ADGRL2: variants seen among roughly 807,000 people sequenced by gnomAD.
ADGRL2 encodes adhesion G protein-coupled receptor L2.
Under a neutral mutation model 157.4 loss-of-function variants are expected in ADGRL2, and 44 were observed. The observed-to-expected ratio is 0.28, with a 90% confidence interval of 0.22 to 0.36. ADGRL2 has a LOEUF of 0.36. Among genes scored for constraint, ADGRL2 ranks in the 10% least tolerant of loss-of-function variants. The pLI, the probability that ADGRL2 is intolerant of heterozygous loss-of-function variation, is 1.00. For missense variants in ADGRL2, 1,510 were observed against 1,768.9 expected (o/e 0.85, Z 2.63); for synonymous variants, 585 against 624.7 (o/e 0.94, Z 0.95).
intron 1 of ADGRL2, among the ~76,000 whole-genome samples, chr1:81,316,733 T>G (rs1219245493): frequency 1.3e-5 from 2 of 152,198 alleles, no homozygotes; most frequent in Non-Finnish European, 2.9e-5. Flanking sequence ...CATTAAATAT[T>G]ATAGCCAAAT....
intron 2 of ADGRL2, among the ~76,000 whole-genome samples, chr1:81,473,545 T>C (rs1337170654): frequency 6.6e-6 from 1 of 152,242 alleles, no homozygotes; most frequent in Non-Finnish European, 1.5e-5. Context: ...TTAATGTGGC[T>C]ACCAGAAAAT....
chr1:81,774,353 T>G (rs2086492818), intron 2 of ADGRL2, among the ~76,000 whole-genome samples: 2 of 152,218 alleles, frequency 1.3e-5, no homozygotes, highest in South Asian at 4.1e-4. Context: ...CCATTCATAC[T>G]CATGATGGCA....
Position 81,615,414 on chromosome 1 carries a change from C to G in ADGRL2, c.-143+34434C>G, listed in dbSNP as rs368951827. Among the ~76,000 whole-genome samples, 35 of 152,338 alleles carry G rather than the reference C, an allele frequency of 2.3e-4. 2 individuals are homozygous for G. In the East Asian group the frequency reaches 3.7e-3, roughly 16 times the overall value. On this transcript the variant is annotated intron_variant, in intron 3 of 24. Transcript: ENST00000370721. ...TCGCAATAAATCTTGCTGCTGCTCA[C>G]TCTTTGGGTCTATGCGCCACCTTTA...
At chr1:81,387,379 TAA>T (rs1437578665) in intron 1 of ADGRL2, among the ~76,000 whole-genome samples, 3 of 152,306 alleles carry the variant, frequency 2.0e-5, no homozygotes, top group Admixed American at 6.5e-5. Flanking sequence ...AAAGTTTTTT[TAA>T]GTTTCATATA....
rs2076390525 is a variant in ADGRL2, at chr1:81,383,959, A to C, written c.-301-61077A>C. ...ACAGAGCAAGACTCTGTCTCAAAAA[A>C]AAAAAAAAGAAAAGAAAAGAAAAAA... On this transcript the variant is annotated intron_variant, in intron 1 of 24. Coordinates refer to the ADGRL2 transcript ENST00000370721. Among the ~76,000 whole-genome samples the C allele has an allele frequency of 2.0e-5, 3 of 151,268 alleles. No homozygotes were observed. In the South Asian group the frequency reaches 6.2e-4, roughly 31 times the overall value.
chr1:81,805,381 G>T (rs773003562), intron 1 of ADGRL2, among the ~76,000 whole-genome samples: 12 of 151,954 alleles, frequency 7.9e-5, no homozygotes, highest in Non-Finnish European at 1.6e-4. Context: ...TTTCAGGGGA[G>T]ACTTTTTTGG....
At chr1:81,632,332 T>C (rs538701754) in intron 3 of ADGRL2, among the ~76,000 whole-genome samples, 1 of 152,124 alleles carries the variant, frequency 6.6e-6, no homozygotes, top group Non-Finnish European at 1.5e-5. Context: ...GGACCTCCTG[T>C]GCAGGAACTA....
intron 3 of ADGRL2, among the ~76,000 whole-genome samples, chr1:81,663,928 T>A (rs537092588): frequency 7.2e-5 from 11 of 152,274 alleles, no homozygotes; most frequent in African/African-American, 2.6e-4. Context: ...ATGGTTTATA[T>A]TTTTGAGGGG....
chr1:81,499,234 T>C (rs370844912), intron 2 of ADGRL2, among the ~76,000 whole-genome samples: 3 of 152,250 alleles, frequency 2.0e-5, no homozygotes, highest in African/African-American at 4.8e-5. Flanking sequence ...CAATAAACCA[T>C]TGTGGGCTGT....
chr1:81,449,027 T>C (rs374887065), intron 2 of ADGRL2, among the ~76,000 whole-genome samples: 1 of 152,356 alleles, frequency 6.6e-6, no homozygotes, highest in East Asian at 1.9e-4. Flanking sequence ...TTCATTTCAG[T>C]ATAATAAATT....
intron 1 of ADGRL2, among the ~76,000 whole-genome samples, chr1:81,360,304 C>T (rs1259224570): frequency 6.6e-6 from 1 of 151,846 alleles, no homozygotes; most frequent in African/African-American, 2.4e-5. Flanking sequence ...TCATCCAGTT[C>T]TCAATTCTAA....
chr1:81,391,779 C>T (rs1050275831), intron 1 of ADGRL2, among the ~76,000 whole-genome samples: 9 of 152,030 alleles, frequency 5.9e-5, no homozygotes, highest in African/African-American at 2.2e-4. Context: ...ACCATTCTGG[C>T]TTTTTTTTCT....
chr1:81,516,808 C>T (rs1047564406), intron 2 of ADGRL2, among the ~76,000 whole-genome samples: 12 of 152,096 alleles, frequency 7.9e-5, no homozygotes, highest in Non-Finnish European at 1.6e-4. Context: ...TTACACCCAA[C>T]CCCTCCATTC....
chr1:81,557,875 C>A (rs1367215321), intron 2 of ADGRL2: 1 of 152,272 alleles, frequency 6.6e-6, no homozygotes, highest in Non-Finnish European at 1.5e-5. Flanking sequence ...CTGTTACTTT[C>A]TGTATAATCT....
intron 2 of ADGRL2, among the ~76,000 whole-genome samples, chr1:81,534,390 G>T (rs2079682225): frequency 6.6e-6 from 1 of 152,170 alleles, no homozygotes; most frequent in African/African-American, 2.4e-5. Flanking sequence ...TCAAACTTCT[G>T]ACCTCTGGTG....
chr1:81,610,790 C>T (rs934517892), intron 3 of ADGRL2, among the ~76,000 whole-genome samples: 2 of 151,958 alleles, frequency 1.3e-5, no homozygotes, highest in African/African-American at 2.4e-5. Flanking sequence ...GCCAATAGAA[C>T]TTAGAGATGA....
At chr1:81,448,137 C>CTTTTTTTTTTTTTTTTTTTTTTTTTT (rs1168945231) in intron 2 of ADGRL2, among the ~76,000 whole-genome samples, 24 of 83,530 alleles carry the variant, frequency 2.9e-4, no homozygotes, top group East Asian at 4.8e-4. Flanking sequence ...TTCTTTCTTT[C>CTTTTTTTTTTTTTTTTTTTTTTTTTT]TTTTTTTTTT....
At chr1:81,883,739 C>T (rs1327840043) in intron 2 of ADGRL2, among the ~76,000 whole-genome samples, 1 of 151,666 alleles carries the variant, frequency 6.6e-6, no homozygotes, top group African/African-American at 2.4e-5. Flanking sequence ...GTAATTATTA[C>T]TGTCTTCCTA....
chr1:81,843,289 C>T (rs751419083), intron 2 of ADGRL2, among the ~76,000 whole-genome samples: 14 of 151,942 alleles, frequency 9.2e-5, no homozygotes, highest in East Asian at 1.9e-4. Context: ...CCCACCACCA[C>T]GCCTGGCTAA....
Sources: allele counts gnomAD v4.1 joint callset (sites outside exome capture counted in the v4.1 genomes callset), GRCh38; gene constraint gnomAD v4.1.1; transcripts MANE v1.5; gene names NCBI Gene and HGNC (gene_info 2026-07-23, HGNC 2026-07-21).